Variants in NAGLU observed in about 807,000 individuals in gnomAD.
NAGLU encodes the protein alpha-N-acetylglucosaminidase.
A neutral mutation model predicts 43.4 loss-of-function variants in NAGLU; 34 were observed. The observed-to-expected ratio is 0.78, with a 90% CI of 0.60 to 1.04. NAGLU has a LOEUF of 1.04. Ranked by LOEUF, NAGLU falls within the 50% of genes least tolerant of loss-of-function variation. NAGLU has a pLI of 0.00. For synonymous variants in NAGLU, 425 were observed against 437.6 expected (o/e 0.97, Z 0.36); for missense variants, 910 against 993.7 (o/e 0.92, Z 1.13).
intron 4 of NAGLU, among the ~76,000 whole-genome samples, chr17:42,540,457 G>A (rs2092918543): frequency 6.6e-6 from 1 of 151,764 alleles, no homozygotes; most frequent in Non-Finnish European, 1.5e-5. Context: ...AGCACTTTGG[G>A]AGGCCGAGAC....
chr17:42,537,695 C>T (rs1156537106), intron 2 of NAGLU, 150 bp downstream of exon 2: 6 of 1,150,190 alleles, frequency 5.2e-6, no homozygotes, highest in Admixed American at 2.2e-5. Flanking sequence ...CTGAGGCTTC[C>T]GGCCGGGCGC....
intron 1 of NAGLU, chr17:42,536,944 TCCTC>T: frequency 1.8e-6 from 1 of 563,006 alleles, no homozygotes. Flanking sequence ...TTTCTTGCCT[TCCTC>T]CCCCACCTTC....
chr17:42,543,337 C>T lies in NAGLU; in HGVS notation c.1331C>T (p.Ala444Val), dbSNP rs767179184. Residue 444 changes from alanine (A) to valine (V), a missense_variant, in exon 6 of 6, where the codon GCC becomes GTC. By Grantham distance (64) the Ala-to-Val change is moderately conservative. Coordinates refer to ENST00000225927, the MANE Select transcript of NAGLU (RefSeq NM_000263.4). ...TCCACCATGGTAGGCACGGGCATGG[C>T]CCCCGAGGGCATCAGCCAGAACGAA... ...PNSTMVGTGM[A>V]PEGISQNEVV... 48 of 1,613,050 alleles carry T rather than the reference C, an allele frequency of 3.0e-5. No homozygotes were observed. In the Middle Eastern group the frequency reaches 4.9e-4, roughly 17 times the overall value.
chr17:42,543,435 A>G lies in NAGLU; in HGVS notation c.1429A>G (p.Ser477Gly), dbSNP rs1437211819. 5.6e-6 allele frequency: 9 copies of G among 1,600,088 alleles called. No homozygotes were observed. Among genetic ancestry groups the G allele is most frequent in the Non-Finnish European group, 7.7e-6 (9 of 1,174,520 alleles). Reference protein sequence around the residue: ...PVPDLAAWVTSFAARRYGVSH... With the variant: ...PVPDLAAWVTGFAARRYGVSH... ...GCCAGATTTGGCAGCCTGGGTGACC[A>G]GCTTTGCCGCCCGGCGGTATGGGGT... Residue 477 changes from serine to glycine, a missense_variant, in exon 6 of 6, where the codon AGC becomes GGC. Physicochemically the swap from Ser to Gly is moderately conservative, Grantham distance 56. Coordinates refer to ENST00000225927, the MANE Select transcript of NAGLU (RefSeq NM_000263.4).
rs1021352919 is a variant in NAGLU at position 42,536,270 on chromosome 17, A to G, written c.-3A>G. On this transcript the variant is annotated 5_prime_UTR_variant, in exon 1 of 6. Coordinates refer to ENST00000225927, the MANE Select transcript of NAGLU (RefSeq NM_000263.4). ...CCGTCGCGGGACCCGCAGGACTGAG[A>G]CCATGGAGGCGGTGGCGGTGGCCGC... 9 of 1,217,568 alleles carry G rather than the reference A, an allele frequency of 7.4e-6. No homozygotes were observed. The highest frequency in any genetic ancestry group is 4.3e-5 in the Admixed American group (1 of 23,180). 75.4% of individuals were successfully genotyped at this position (1,217,568 alleles called of 1,614,324 possible).
chr17:42,541,825 CCAGCAGCAG>C (rs371083564), intron 5 of NAGLU, among the ~76,000 whole-genome samples: 1 of 151,890 alleles, frequency 6.6e-6, no homozygotes, highest in Admixed American at 6.6e-5. Context: ...TGACCCAAAA[CCAGCAGCAG>C]CAGCAGCAGC....
rs200909691 is a variant in NAGLU at position 42,543,451 on chromosome 17, G to A, written c.1445G>A (p.Arg482Gln). The A allele has an allele frequency of 3.1e-6, 5 of 1,598,848 alleles. No homozygotes were observed. The highest frequency in any genetic ancestry group is 2.7e-5 in the African/African-American group (2 of 74,824). Residue 482 changes from arginine (R) to glutamine (Q), a missense_variant, in exon 6 of 6, where the codon CGG becomes CAG. Physicochemically the swap from Arg to Gln is conservative, Grantham distance 43. Transcript: ENST00000225927. The part of the protein sequence containing the change: ...AAWVTSFAAR[R>Q]YGVSHPDAGA... The stretch of plus-strand genomic sequence containing the variant: ...TGGGTGACCAGCTTTGCCGCCCGGC[G>A]GTATGGGGTCTCCCACCCGGACGCA...
Position 42,537,486 on chromosome 17 carries a change from G to T in NAGLU, c.472G>T (p.Ala158Ser), listed in dbSNP as rs542076832. Residue 158 changes from alanine to serine, a missense_variant, in exon 2 of 6, where the codon GCG becomes TCG. Transcript: ENST00000225927. ...CTGGGAGCGAGAGATAGACTGGATG[G>T]CGCTGAATGGCATCAACCTGGCACT... is the stretch of plus-strand genomic sequence containing the variant. ...ARWEREIDWMALNGINLALAW... is the reference protein window; with the variant it reads ...ARWEREIDWMSLNGINLALAW... 3 of 1,614,230 alleles carry T rather than the reference G, an allele frequency of 1.9e-6. No individual in the cohort carries two copies. Among genetic ancestry groups the T allele is most frequent in the African/African-American group, 2.7e-5 (2 of 75,074 alleles).
At chr17:42,540,510 C>A (rs1380777833) in intron 4 of NAGLU, among the ~76,000 whole-genome samples, 1 of 151,298 alleles carries the variant, frequency 6.6e-6, no homozygotes, top group Non-Finnish European at 1.5e-5. Context: ...TCCTGGCTAA[C>A]ACAGTGAAAC....
In NAGLU at chr17:42,543,143, G is replaced by A; in HGVS notation, c.1137G>A (p.Leu379=). ...VLGAVPRGRL[L]VLDLFAESQP... ...GAGCTGTGCCCCGTGGCCGCCTCCT[G>A]GTTCTGGACCTGTTTGCTGAGAGCC... Residue 379 remains leucine (L), a synonymous_variant, in exon 6 of 6, where the codon CTG becomes CTA. Coordinates refer to ENST00000225927, the MANE Select transcript of NAGLU (RefSeq NM_000263.4). The A allele has an allele frequency of 6.2e-7, 1 of 1,614,000 alleles. No homozygotes were observed. The highest frequency in any genetic ancestry group is 1.7e-5 in the Admixed American group (1 of 60,032).
chr17:42,541,085 C>G lies in NAGLU; in HGVS notation c.900C>G (p.Ile300Met). The G allele has an allele frequency of 1.2e-6, 2 of 1,614,136 alleles. No individual in the cohort carries two copies. The highest frequency in any genetic ancestry group is 2.2e-5 in the South Asian group (2 of 91,078). Residue 300 changes from isoleucine to methionine, a missense_variant, in exon 5 of 6, where the codon ATC (isoleucine) becomes ATG (methionine). Physicochemically the swap from Ile to Met is conservative, Grantham distance 10. Transcript: ENST00000225927. The part of the protein sequence containing the change: ...IIGSLFLREL[I>M]KEFGTDHIYG... Reference sequence around the variant, plus strand: ...GGAGCCTCTTCCTGCGAGAGCTGATCAAAGAGTTTGGCACAGACCACATCT... The same window carrying G: ...GGAGCCTCTTCCTGCGAGAGCTGATGAAAGAGTTTGGCACAGACCACATCT...
At chr17:42,537,580 A>T in intron 2 of NAGLU, 35 bp downstream of exon 2, 1 of 1,610,042 alleles carries the variant, frequency 6.2e-7, no homozygotes, top group Non-Finnish European at 8.5e-7. Context: ...ACCCTCCTCT[A>T]TGGCGGGAGC....
At chr17:42,537,054 C>G (rs2092908344) in intron 1 of NAGLU, 2 of 459,074 alleles carry the variant, frequency 4.4e-6, no homozygotes, top group East Asian at 8.9e-5. Context: ...TGTGTTCACA[C>G]AGCTGTCCTC....
intron 4 of NAGLU, among the ~76,000 whole-genome samples, 172 bp downstream of exon 4, chr17:42,538,927 G>C (rs976891499): frequency 6.6e-6 from 1 of 152,166 alleles, no homozygotes; most frequent in Non-Finnish European, 1.5e-5. Flanking sequence ...TTCGAGACCA[G>C]CCTGGCCAAC....
In NAGLU at chr17:42,538,729, G is replaced by A. The variant is rs773222814; in HGVS notation, c.738G>A (p.Ala246=). The part of the protein sequence containing the change: ...FGMTPVLPAF[A]GHVPEAVTRV... ...TGACCCCAGTGCTGCCTGCATTCGCGGGGCATGTTCCCGAGGCTGTCACCA... is the reference window on the plus strand; with the variant it reads ...TGACCCCAGTGCTGCCTGCATTCGCAGGGCATGTTCCCGAGGCTGTCACCA... The change falls in exon 4 of 6, where the codon GCG becomes GCA. Residue 246 remains alanine (A), a synonymous_variant. Coordinates refer to ENST00000225927, the MANE Select transcript of NAGLU (RefSeq NM_000263.4). 6.2e-6 allele frequency: 10 copies of A among 1,613,904 alleles called. No individual in the cohort carries two copies. The highest frequency in any genetic ancestry group is 2.7e-5 in the African/African-American group (2 of 74,928).
chr17:42,537,921 C>G lies in NAGLU; in HGVS notation c.531+376C>G, dbSNP rs148806759. Among the ~76,000 whole-genome samples the G allele has an allele frequency of 7.7e-4, 117 of 151,918 alleles. No individual in the cohort carries two copies. In the East Asian group the frequency reaches 0.02, roughly 27 times the overall value. On this transcript the variant is annotated intron_variant, in intron 2 of 5. Coordinates refer to ENST00000225927, the MANE Select transcript of NAGLU (RefSeq NM_000263.4). Reference sequence around the variant, plus strand: ...TGAGGAGTGGGGCTCCTTCCCCCATCTCCCCTATGCAGCCAATCACCTGGT... The same window carrying G: ...TGAGGAGTGGGGCTCCTTCCCCCATGTCCCCTATGCAGCCAATCACCTGGT...
Position 42,540,620 on chromosome 17 carries a change from T to C in NAGLU, c.765-330T>C, listed in dbSNP as rs11871659. Among the ~76,000 whole-genome samples, 13,488 of 146,456 alleles carry C rather than the reference T, an allele frequency of 0.092. 1,985 individuals carry two copies. The highest frequency in any genetic ancestry group is 0.31 in the African/African-American group (12,453 of 39,620). On this transcript the variant is annotated intron_variant, in intron 4 of 5. Coordinates refer to ENST00000225927, the MANE Select transcript of NAGLU (RefSeq NM_000263.4). ...CTGAGGCAGGAGAATGGCATGAACC[T>C]GGGAGGCAGAGCTTGCAGTGAGCTG... is the stretch of plus-strand genomic sequence containing the variant.
rs780139603 is a variant in NAGLU, at chr17:42,543,128, C to T, written c.1122C>T (p.Pro374=). Residue 374 remains proline, a synonymous_variant, in exon 6 of 6, where the codon CCC becomes CCT. Transcript: ENST00000225927. Reference sequence around the variant, plus strand: ...TCAGGGCTGTGCTGGGAGCTGTGCCCCGTGGCCGCCTCCTGGTTCTGGACC... The same window carrying T: ...TCAGGGCTGTGCTGGGAGCTGTGCCTCGTGGCCGCCTCCTGGTTCTGGACC... ...AQIRAVLGAV[P]RGRLLVLDLF... 6.2e-7 allele frequency: 1 copy of T among 1,613,678 alleles called. No homozygotes were observed. The highest frequency in any genetic ancestry group is 8.5e-7 in the Non-Finnish European group (1 of 1,180,048).
chr17:42,537,363 G>GTGGGATGCGCCCC lies in NAGLU; in HGVS notation c.384-32_384-20dup, dbSNP rs767368885. The GTGGGATGCGCCCC allele has an allele frequency of 9.4e-5, 152 of 1,613,668 alleles. 1 individual carries two copies. The highest frequency in any genetic ancestry group is 1.8e-5 in the Non-Finnish European group (21 of 1,179,762). On this transcript the variant is annotated intron_variant, in intron 1 of 5. Transcript: ENST00000225927. ...GTTCCAGGGCCGTGGACCCTCCAGG[G>GTGGGATGCGCCCC]TGGGATGCGCCCCTGCTCATGACAC...
Sources: allele counts gnomAD v4.1 joint callset (sites outside exome capture counted in the v4.1 genomes callset), GRCh38; gene constraint gnomAD v4.1.1; transcripts MANE v1.5; gene names NCBI Gene and HGNC (gene_info 2026-07-23, HGNC 2026-07-21).